IL20RB: variants seen among roughly 807,000 people sequenced by gnomAD.
The protein encoded by IL20RB is interleukin 20 receptor subunit beta, also known as interleukin-20 receptor subunit beta.
In IL20RB, 21 loss-of-function variants were observed where a neutral mutation model predicts 33.3. The ratio of observed to expected loss-of-function variants is 0.63; its 90% CI spans 0.45 to 0.91. The LOEUF (loss-of-function observed/expected upper bound fraction) is 0.91. Among genes scored for constraint, IL20RB ranks in the 40% least tolerant of loss-of-function variants. The probability of loss-of-function intolerance (pLI) is 0.00; values close to 1 mark genes in which losing one functional copy is unlikely to be tolerated. For missense variants in IL20RB, 345 were observed against 384.8 expected, an observed-to-expected ratio of 0.90 and a Z score of 0.86; for synonymous variants, 147 against 146.8, an observed-to-expected ratio of 1.00 and a Z score of -0.01.
At chr3:137,004,290 G>T (rs1942306882) in intron 6 of IL20RB, among the ~76,000 whole-genome samples, 1 of 152,198 alleles carries the variant, frequency 6.6e-6, no homozygotes, top group Non-Finnish European at 1.5e-5. Context: ...AAATGAGTTA[G>T]GGAGGAATTC....
At position 136,958,499 on chromosome 3, in the gene IL20RB, T is replaced by C. The variant is rs192637892; in HGVS notation, c.88+298T>C. On this transcript the variant is annotated intron_variant, in intron 1 of 6. Transcript: ENST00000329582. Reference sequence around the variant, plus strand: ...ACTTATCTCATCGTCTGGTTTTATATAGTGCAATGTAGTTCTTTCAGACTT... The same window carrying C: ...ACTTATCTCATCGTCTGGTTTTATACAGTGCAATGTAGTTCTTTCAGACTT... Among the ~76,000 whole-genome samples, 289 of 152,342 alleles carry C rather than the reference T, an allele frequency of 1.9e-3. 1 individual carries two copies. Among genetic ancestry groups the C allele is most frequent in the Non-Finnish European group, 1.6e-4 (11 of 68,026 alleles).
Position 136,995,464 on chromosome 3 carries a change from C to G in IL20RB, c.733C>G (p.Leu245Val). The change falls in exon 6 of 7, where the codon CTG becomes GTG. Residue 245 changes from leucine (L) to valine (V), a missense_variant. Coordinates refer to ENST00000329582, the MANE Select transcript of IL20RB (RefSeq NM_144717.4). ...CCTGTTTGCCTTTGTTGGCTTCATGCTGATCCTTGTGGTCGTGCCACTGTT... is the reference window on the plus strand; with the variant it reads ...CCTGTTTGCCTTTGTTGGCTTCATGGTGATCCTTGTGGTCGTGCCACTGTT... ...LALFAFVGFM[L>V]ILVVVPLFVW... 1 of 1,614,150 alleles carries G rather than the reference C, an allele frequency of 6.2e-7. No homozygotes were observed. The highest frequency in any genetic ancestry group is 8.5e-7 in the Non-Finnish European group (1 of 1,180,022).
chr3:137,010,435 TG>T lies in IL20RB; in HGVS notation c.*217del. 2.1e-6 allele frequency: 1 copy of T among 474,758 alleles called. No individual in the cohort carries two copies. The highest frequency in any genetic ancestry group is 3.8e-6 in the Non-Finnish European group (1 of 264,830). The allele number at this position is 474,758 out of a possible 1,614,324, so 29.4% of individuals were successfully genotyped here. A position where few individuals can be genotyped will look rare whatever the true frequency, so the allele number is the denominator to read the frequency against. On this transcript the variant is annotated 3_prime_UTR_variant, in exon 7 of 7. Transcript: ENST00000329582. ...GGCTTAGGGGATGTGACCTCTAGAC[TG>T]GGGGCTGCCACTTGCTGGCTGAGCA...
intron 5 of IL20RB, among the ~76,000 whole-genome samples, chr3:136,992,735 AT>A (rs1942056851): frequency 6.6e-6 from 1 of 151,800 alleles, no homozygotes; most frequent in African/African-American, 2.4e-5. Context: ...ATTATATAGT[AT>A]ATTTATTTAT....
intron 2 of IL20RB, among the ~76,000 whole-genome samples, chr3:136,981,280 A>ATTAAATTAAG (rs1941768098): frequency 6.6e-6 from 1 of 151,890 alleles, no homozygotes; most frequent in African/African-American, 2.4e-5. Flanking sequence ...ATTAAATTAA[A>ATTAAATTAAG]TTAAATTAAA....
chr3:137,007,437 G>A (rs549978609), intron 6 of IL20RB, among the ~76,000 whole-genome samples: 21 of 152,314 alleles, frequency 1.4e-4, no homozygotes, highest in Admixed American at 1.0e-3. Flanking sequence ...GCTGTGGTGG[G>A]CTCCGCCAAG....
chr3:136,984,935 C>G (rs528400389), intron 3 of IL20RB, among the ~76,000 whole-genome samples: 1 of 152,290 alleles, frequency 6.6e-6, no homozygotes, highest in East Asian at 1.9e-4. Context: ...CACCACCTCC[C>G]TCTGGCTCCT....
chr3:136,994,743 T>C (rs1437422359), intron 5 of IL20RB, among the ~76,000 whole-genome samples: 2 of 152,184 alleles, frequency 1.3e-5, no homozygotes, highest in Non-Finnish European at 2.9e-5. Context: ...ACTGTGAGCT[T>C]TGGAGCCAGT....
chr3:136,987,629 G>C (rs1941937447), intron 3 of IL20RB, among the ~76,000 whole-genome samples: 1 of 152,210 alleles, frequency 6.6e-6, no homozygotes, highest in Non-Finnish European at 1.5e-5. Flanking sequence ...TGGGCGCCGT[G>C]GAGCAGGGGG....
At chr3:136,984,376 T>C (rs1263022505) in intron 3 of IL20RB, among the ~76,000 whole-genome samples, 2 of 152,012 alleles carry the variant, frequency 1.3e-5, no homozygotes, top group Non-Finnish European at 2.9e-5. Flanking sequence ...GATGACCATC[T>C]GGCTGCTGGA....
chr3:137,005,603 G>C (rs370147612), intron 6 of IL20RB, among the ~76,000 whole-genome samples: 2 of 151,044 alleles, frequency 1.3e-5, no homozygotes, highest in Non-Finnish European at 3.0e-5. Flanking sequence ...CTTTTTTTTC[G>C]CTTTCCATTT....
intron 6 of IL20RB, among the ~76,000 whole-genome samples, chr3:137,000,226 A>G (rs187550735): frequency 1.4e-3 from 213 of 152,346 alleles, no homozygotes; most frequent in Middle Eastern, 6.8e-3. Context: ...GTTGATATCT[A>G]TTAGACTGTT....
At position 136,982,243 on chromosome 3, in the gene IL20RB, CTGA is replaced by C. The variant is rs769877153; in HGVS notation, c.303_305del (p.Asp102del). The C allele has an allele frequency of 5.0e-6, 8 of 1,610,500 alleles. No individual in the cohort carries two copies. Among genetic ancestry groups the C allele is most frequent in the Non-Finnish European group, 6.8e-6 (8 of 1,176,924 alleles). ...ACTGAAGGTCCTGAGTGTGATGTCA[CTGA>C]TGACATCACGGCCACTGTGCCATAC... On this transcript the variant is annotated inframe_deletion, in exon 3 of 7. Coordinates refer to ENST00000329582, the MANE Select transcript of IL20RB (RefSeq NM_144717.4).
chr3:137,004,490 T>C (rs1942312309), intron 6 of IL20RB, among the ~76,000 whole-genome samples: 1 of 152,232 alleles, frequency 6.6e-6, no homozygotes, highest in Non-Finnish European at 1.5e-5. Flanking sequence ...TGGTTTAGTC[T>C]TGGGAGGGTG....
intron 3 of IL20RB, among the ~76,000 whole-genome samples, chr3:136,984,315 G>A (rs1941851802): frequency 1.3e-5 from 2 of 152,094 alleles, no homozygotes; most frequent in Admixed American, 1.3e-4. Context: ...TGAGAGGCTG[G>A]AGGAAGCCCC....
At chr3:136,993,105 G>C (rs1401230619) in intron 5 of IL20RB, among the ~76,000 whole-genome samples, 2 of 152,214 alleles carry the variant, frequency 1.3e-5, no homozygotes, top group Non-Finnish European at 1.5e-5. Context: ...GCTCACACCT[G>C]TAATCCCGGC....
At chr3:136,969,687 G>A (rs1234515237) in intron 1 of IL20RB, among the ~76,000 whole-genome samples, 3 of 152,216 alleles carry the variant, frequency 2.0e-5, no homozygotes, top group Non-Finnish European at 2.9e-5. Context: ...GCTGTAGACC[G>A]GAGCTGTTCA....
intron 1 of IL20RB, among the ~76,000 whole-genome samples, chr3:136,958,911 T>TTCTC (rs3077025): frequency 0.013 from 1,970 of 149,684 alleles, 45 homozygotes; most frequent in African/African-American, 0.042. Flanking sequence ...CTTGAGTACT[T>TTCTC]TCTCTCTCTC....
At chr3:136,974,307 C>T (rs1487112839) in intron 1 of IL20RB, among the ~76,000 whole-genome samples, 1 of 152,112 alleles carries the variant, frequency 6.6e-6, no homozygotes, top group Non-Finnish European at 1.5e-5. Context: ...CTCCCTTGAA[C>T]ATTTCTTGTA....
Sources: gnomAD v4.1 joint callset for allele counts (sites outside exome capture counted in the v4.1 genomes callset) on GRCh38, gnomAD v4.1.1 for gene constraint, MANE v1.5 for transcripts, NCBI Gene and HGNC (gene_info 2026-07-23, HGNC 2026-07-21) for gene names.